Variants in PAMR1 observed in about 807,000 individuals in gnomAD.
PAMR1 encodes the protein inactive serine protease PAMR1.
PAMR1 carries 88 observed loss-of-function variants against 81.8 expected under a neutral mutation model. That is an observed-to-expected ratio of 1.08 (90% CI 0.91 to 1.28). The LOEUF is 1.28. Among genes scored for constraint, PAMR1 ranks in the 50% most tolerant of loss-of-function variants. The pLI, the probability that PAMR1 is intolerant of heterozygous loss-of-function variation, is 0.00. For synonymous variants in PAMR1, 336 were observed against 345.3 expected (o/e 0.97, Z 0.30); for missense variants, 935 against 919.7 (o/e 1.02, Z -0.21).
In PAMR1 at chr11:35,435,845, T is replaced by G. The variant is rs1856028883; in HGVS notation, c.1333+58A>C. 4 of 1,305,200 alleles carry G rather than the reference T, an allele frequency of 3.1e-6. No homozygotes were observed. In the Admixed American group the frequency reaches 6.8e-5, roughly 22 times the overall value. The allele number at this position is 1,305,200 out of a possible 1,614,324, so 80.9% of individuals were successfully genotyped here. A position where few individuals can be genotyped will look rare whatever the true frequency, so the allele number is the denominator to read the frequency against. ...CCCAAAAAGTAGGGTTAATGGTTTT[T>G]CTCAGGCAGTCATGAAAGATTGAGC... On this transcript the variant is annotated intron_variant, in intron 9 of 10. Coordinates refer to ENST00000619888, the MANE Select transcript of PAMR1 (RefSeq NM_001001991.3).
At chr11:35,469,598 G>A (rs1856813891) in intron 5 of PAMR1, among the ~76,000 whole-genome samples, 1 of 152,216 alleles carries the variant, frequency 6.6e-6, no homozygotes, top group Non-Finnish European at 1.5e-5. Flanking sequence ...ACTGTAGAGA[G>A]CACCTGCTGA....
At chr11:35,519,708 C>T (rs1043126734) in intron 1 of PAMR1, among the ~76,000 whole-genome samples, 2 of 152,238 alleles carry the variant, frequency 1.3e-5, no homozygotes, top group African/African-American at 2.4e-5. Flanking sequence ...TCCACCTCCA[C>T]AGAGGTGAGA....
chr11:35,464,538 C>G (rs1856722775), intron 6 of PAMR1, among the ~76,000 whole-genome samples: 1 of 152,212 alleles, frequency 6.6e-6, no homozygotes, highest in Non-Finnish European at 1.5e-5. Context: ...CACCACCTCA[C>G]TCCTACAATT....
intron 1 of PAMR1, among the ~76,000 whole-genome samples, chr11:35,516,595 G>A (rs1254816252): frequency 6.6e-6 from 1 of 152,176 alleles, no homozygotes; most frequent in African/African-American, 2.4e-5. Context: ...ATGACAACAA[G>A]AACAATATTT....
chr11:35,440,111 A>G (rs1400856936), intron 7 of PAMR1, among the ~76,000 whole-genome samples: 4 of 152,216 alleles, frequency 2.6e-5, no homozygotes, highest in Non-Finnish European at 1.5e-5. Context: ...TCAACCATAG[A>G]TAAGTCTTGG....
chr11:35,434,416 T>C (rs1855984273), intron 10 of PAMR1, 96 bp downstream of exon 10: 3 of 1,239,254 alleles, frequency 2.4e-6, no homozygotes, highest in Non-Finnish European at 3.4e-6. Context: ...GCTGCTGACA[T>C]GCTAAGGGGA....
intron 3 of PAMR1, among the ~76,000 whole-genome samples, chr11:35,491,648 G>T (rs753346926): frequency 6.6e-6 from 1 of 152,220 alleles, no homozygotes; most frequent in Non-Finnish European, 1.5e-5. Context: ...GCTGTGGGTT[G>T]CAGGAATTTA....
chr11:35,493,094 G>A (rs781256158), intron 2 of PAMR1, among the ~76,000 whole-genome samples: 4 of 151,966 alleles, frequency 2.6e-5, no homozygotes, highest in Admixed American at 6.6e-5. Context: ...TATCCCACCC[G>A]ATAGATCCCA....
intron 1 of PAMR1, among the ~76,000 whole-genome samples, chr11:35,500,034 C>G (rs1414271160): frequency 6.6e-6 from 1 of 152,214 alleles, no homozygotes; most frequent in African/African-American, 2.4e-5. Context: ...AGGAGGCAGG[C>G]AGGCAACCTC....
At chr11:35,525,314 G>A (rs1216265282) in intron 1 of PAMR1, among the ~76,000 whole-genome samples, 199 bp downstream of exon 1, 1 of 152,088 alleles carries the variant, frequency 6.6e-6, no homozygotes, top group African/African-American at 2.4e-5. Flanking sequence ...GTCTCAGGGA[G>A]GGCCACAGGA....
chr11:35,486,262 A>G (rs1396322367), intron 3 of PAMR1, among the ~76,000 whole-genome samples: 1 of 152,266 alleles, frequency 6.6e-6, no homozygotes, highest in Admixed American at 6.5e-5. Context: ...CAGAACAAGC[A>G]TAACGTAATT....
chr11:35,499,389 C>A (rs938650403), intron 1 of PAMR1, among the ~76,000 whole-genome samples: 1 of 152,112 alleles, frequency 6.6e-6, no homozygotes, highest in Non-Finnish European at 1.5e-5. Context: ...ATTCACCCTG[C>A]GGCAAGCACT....
Position 35,494,235 on chromosome 11 carries a change from C to T in PAMR1, c.111G>A (p.Glu37=), listed in dbSNP as rs752839513. Residue 37 remains glutamate, a synonymous_variant, in exon 2 of 11, where the codon GAG becomes GAA. Transcript: ENST00000619888. The stretch of plus-strand genomic sequence containing the variant: ...AGCACTCCCGACACATGATATTCCA[C>T]TCTGCTCCAGGGCAGGCTTCATTAA... The part of the protein sequence containing the change: ...TVINEACPGA[E]WNIMCRECCE... The T allele has an allele frequency of 6.2e-7, 1 of 1,614,218 alleles. No homozygotes were observed. Among genetic ancestry groups the T allele is most frequent in the African/African-American group, 1.3e-5 (1 of 75,076 alleles).
chr11:35,480,027 C>A (rs1850356458), intron 3 of PAMR1, among the ~76,000 whole-genome samples: 1 of 152,172 alleles, frequency 6.6e-6, no homozygotes, highest in South Asian at 2.1e-4. Context: ...CCCCAATCCA[C>A]CTGACTCTAT....
chr11:35,482,223 G>C (rs942115835), intron 3 of PAMR1, among the ~76,000 whole-genome samples: 2 of 152,184 alleles, frequency 1.3e-5, no homozygotes, highest in Admixed American at 6.5e-5. Flanking sequence ...TAAGATGTAA[G>C]GAAGGGGTCC....
At chr11:35,460,941 T>A (rs199776693) in intron 6 of PAMR1, among the ~76,000 whole-genome samples, 3,112 of 152,284 alleles carry the variant, frequency 0.02, 83 homozygotes, top group Admixed American at 0.068. Flanking sequence ...AGTGTAAAAG[T>A]GTTCCTATTT....
At chr11:35,510,709 T>C (rs1313100033) in intron 1 of PAMR1, among the ~76,000 whole-genome samples, 2 of 152,182 alleles carry the variant, frequency 1.3e-5, no homozygotes, top group Admixed American at 1.3e-4. Context: ...TGTTTTATTT[T>C]AGAAACTGTT....
At chr11:35,459,992 A>C (rs1295843083) in intron 6 of PAMR1, among the ~76,000 whole-genome samples, 1 of 152,280 alleles carries the variant, frequency 6.6e-6, no homozygotes, top group Non-Finnish European at 1.5e-5. Flanking sequence ...CGTCACATAA[A>C]GCCCAGAGCC....
chr11:35,517,087 T>G (rs545581921), intron 1 of PAMR1, among the ~76,000 whole-genome samples: 30 of 152,278 alleles, frequency 2.0e-4, no homozygotes, highest in African/African-American at 6.7e-4. Flanking sequence ...AGAAGTCAAG[T>G]CACAGCTCTT....
Sources: allele counts gnomAD v4.1 joint callset (sites outside exome capture counted in the v4.1 genomes callset), GRCh38; gene constraint gnomAD v4.1.1; transcripts MANE v1.5; gene names NCBI Gene and HGNC (gene_info 2026-07-23, HGNC 2026-07-21).